The following YWHAG variants were observed in gnomAD, a reference collection of about 807,000 sequenced individuals.
YWHAG encodes the protein 14-3-3 protein gamma.
Under a neutral mutation model 23.3 loss-of-function variants are expected in YWHAG, and 1 was observed. The observed-to-expected ratio is 0.04, with a 90% confidence interval of 0.02 to 0.20. The LOEUF is 0.20. Ranked by LOEUF, YWHAG falls within the 10% of genes least tolerant of loss-of-function variation. The pLI is 1.00. For missense variants in YWHAG, 151 were observed against 338.6 expected (o/e 0.45, Z 4.35); for synonymous variants, 160 against 144.0 (o/e 1.11, Z -0.80).
Position 76,345,305 on chromosome 7 carries a change from T to C in YWHAG, c.87+13417A>G, listed in dbSNP as rs1399996415. The stretch of plus-strand genomic sequence containing the variant: ...GGTTCACACCATTCTCCTGTCTCAG[T>C]CCCCCGAGCAGCTGGGACTACAGGC... On this transcript the variant is annotated intron_variant, in intron 1 of 1. Coordinates refer to ENST00000307630, the MANE Select transcript of YWHAG (RefSeq NM_012479.4). Among the ~76,000 whole-genome samples, 51 of 150,224 alleles carry C rather than the reference T, an allele frequency of 3.4e-4. No homozygotes were observed. The South Asian group carries it at 7.0e-3, about 21-fold the overall frequency.
In YWHAG at chr7:76,327,668, G is replaced by GCCCCCCCCCCCCCCCCCCC. The variant is rs71085403; in HGVS notation, c.*1908_*1909insGGGGGGGGGGGGGGGGGGG. On this transcript the variant is annotated 3_prime_UTR_variant, in exon 2 of 2. Transcript: ENST00000307630. Reference sequence around the variant, plus strand: ...AATTAGGGAAAGCCCCACCTACCCTGCCCCCCCCCCCCTCCCCCCCCAAAT... The same window carrying GCCCCCCCCCCCCCCCCCCC: ...AATTAGGGAAAGCCCCACCTACCCTGCCCCCCCCCCCCCCCCCCCCCCCCCCCCCCCTCCCCCCCCAAAT... 65 of 47,114 alleles carry GCCCCCCCCCCCCCCCCCCC rather than the reference G, an allele frequency of 1.4e-3. No homozygotes were observed. The highest frequency in any genetic ancestry group is 1.5e-3 in the Non-Finnish European group (41 of 27,252). 2.9% of individuals were successfully genotyped at this position (47,114 alleles called of 1,614,324 possible).
At chr7:76,336,853 T>C (rs776889737) in intron 1 of YWHAG, among the ~76,000 whole-genome samples, 1 of 151,086 alleles carries the variant, frequency 6.6e-6, no homozygotes, top group East Asian at 2.0e-4. Flanking sequence ...TATTGTCACC[T>C]GAAAGGGCCA....
intron 1 of YWHAG, among the ~76,000 whole-genome samples, chr7:76,339,674 C>T (rs971069053): frequency 6.6e-6 from 1 of 152,138 alleles, no homozygotes; most frequent in Non-Finnish European, 1.5e-5. Flanking sequence ...AGACAGCAAG[C>T]CCAATCCTCT....
chr7:76,344,638 AAT>A lies in YWHAG; in HGVS notation c.87+14082_87+14083del, dbSNP rs1803748899. ...TGCTTCTACAATTTCTCCTGGAATC[AAT>A]GTCATGCTCACTTTAAATGGGGTTA... On this transcript the variant is annotated intron_variant, in intron 1 of 1. Coordinates refer to ENST00000307630, the MANE Select transcript of YWHAG (RefSeq NM_012479.4). Among the ~76,000 whole-genome samples the A allele has an allele frequency of 2.6e-5, 4 of 152,296 alleles. No individual in the cohort carries two copies. In the South Asian group the frequency reaches 8.3e-4, roughly 32 times the overall value.
chr7:76,340,212 C>T (rs773034256), intron 1 of YWHAG, among the ~76,000 whole-genome samples: 2 of 152,228 alleles, frequency 1.3e-5, no homozygotes, highest in African/African-American at 2.4e-5. Context: ...GGATCAGCCC[C>T]GTTTCACTAA....
intron 1 of YWHAG, 50 bp downstream of exon 1, chr7:76,358,672 C>G (rs1025066941): frequency 6.6e-7 from 1 of 1,518,338 alleles, no homozygotes; most frequent in Non-Finnish European, 8.9e-7. Flanking sequence ...CGCCAAGGAC[C>G]GCGTCTTCGG....
In YWHAG at chr7:76,358,797, G is replaced by C. The variant is rs936183236; in HGVS notation, c.12C>G (p.Arg4=). 2.1e-5 allele frequency: 33 copies of C among 1,595,196 alleles called. No homozygotes were observed. Among genetic ancestry groups the C allele is most frequent in the Non-Finnish European group, 2.6e-5 (31 of 1,172,186 alleles). The part of the protein sequence containing the change: MVD[R]EQLVQKARLA... Reference sequence around the variant, plus strand: ...GCCGGGCTTTCTGCACCAGTTGCTCGCGGTCCACCATCTTCGCGGGGCTGG... The same window carrying C: ...GCCGGGCTTTCTGCACCAGTTGCTCCCGGTCCACCATCTTCGCGGGGCTGG... The change falls in exon 1 of 2, where the codon CGC becomes CGG. Residue 4 remains arginine, a synonymous_variant. Transcript: ENST00000307630.
At chr7:76,338,822 AGGCACGTATCCACT>A (rs750269417) in intron 1 of YWHAG, among the ~76,000 whole-genome samples, 8 of 152,246 alleles carry the variant, frequency 5.3e-5, no homozygotes, top group Non-Finnish European at 1.0e-4. Context: ...TGTGGGTAAC[AGGCACGTATCCACT>A]GGTCATGTGC....
intron 1 of YWHAG, 54 bp from the exon 2 acceptor site, chr7:76,330,287 A>C (rs774513890): frequency 1.3e-6 from 2 of 1,551,956 alleles, no homozygotes; most frequent in Non-Finnish European, 1.7e-6. Context: ...CCACTGGGTT[A>C]ACTGTATCTT....
At chr7:76,356,391 T>C (rs1213985389) in intron 1 of YWHAG, among the ~76,000 whole-genome samples, 8 of 152,088 alleles carry the variant, frequency 5.3e-5, no homozygotes, top group African/African-American at 1.9e-4. Context: ...CAAACTGTTC[T>C]TTCCTCTATA....
At position 76,329,981 on chromosome 7, in the gene YWHAG, C is replaced by T; in HGVS notation, c.340G>A (p.Glu114Lys). The T allele has an allele frequency of 2.5e-6, 4 of 1,614,146 alleles. No homozygotes were observed. The highest frequency in any genetic ancestry group is 3.4e-6 in the Non-Finnish European group (4 of 1,180,032). Reference protein sequence around the residue: ...LDNYLIKNCSETQYESKVFYL... With the variant: ...LDNYLIKNCSKTQYESKVFYL... ...AACACTTTGCTCTCGTACTGGGTCT[C>T]GCTGCAATTCTTGATCAGGTAGTTA... Residue 114 changes from glutamate to lysine, a missense_variant, in exon 2 of 2, where the codon GAG becomes AAG. By Grantham distance (56) the Glu-to-Lys change is moderately conservative. Coordinates refer to ENST00000307630, the MANE Select transcript of YWHAG (RefSeq NM_012479.4). This position sits in a 1 kb window ranked among gnomAD's most constrained non-coding sequence, Gnocchi z 6.1.
chr7:76,348,678 A>G (rs1463943617), intron 1 of YWHAG, among the ~76,000 whole-genome samples: 1 of 151,960 alleles, frequency 6.6e-6, no homozygotes, highest in African/African-American at 2.4e-5. Flanking sequence ...TGCTGGGATT[A>G]CAGGTGTGAG....
At chr7:76,342,444 G>C (rs370602296) in intron 1 of YWHAG, among the ~76,000 whole-genome samples, 5 of 152,168 alleles carry the variant, frequency 3.3e-5, no homozygotes, top group Non-Finnish European at 7.3e-5. Flanking sequence ...GTGAGAACTT[G>C]GTTGAATTCC....
rs1027851021 is a variant in YWHAG, at chr7:76,327,687, C to G, written c.*1890G>C. ...TACCCTGCCCCCCCCCCCCTCCCCC[C>G]CCAAATCGTCTTCCTCCCATGGCAA... On this transcript the variant is annotated 3_prime_UTR_variant, in exon 2 of 2. Transcript: ENST00000307630. 8.3e-6 allele frequency: 1 copy of G among 120,292 alleles called. No homozygotes were observed. The highest frequency in any genetic ancestry group is 3.3e-5 in the African/African-American group (1 of 30,338). 7.5% of individuals were successfully genotyped at this position (120,292 alleles called of 1,614,324 possible).
At chr7:76,334,072 C>T (rs555802309) in intron 1 of YWHAG, among the ~76,000 whole-genome samples, 12 of 152,326 alleles carry the variant, frequency 7.9e-5, no homozygotes, top group East Asian at 3.9e-4. Flanking sequence ...ATTTGGAACA[C>T]GCCCAGATGT....
At chr7:76,333,111 G>A (rs907807087) in intron 1 of YWHAG, among the ~76,000 whole-genome samples, 4 of 151,990 alleles carry the variant, frequency 2.6e-5, no homozygotes, top group Non-Finnish European at 5.9e-5. Context: ...CTGGGACTAA[G>A]GCACATGCCA....
intron 1 of YWHAG, among the ~76,000 whole-genome samples, chr7:76,351,840 A>G (rs1375490587): frequency 6.6e-6 from 1 of 152,224 alleles, no homozygotes; most frequent in Non-Finnish European, 1.5e-5. Context: ...AATAAAGTGC[A>G]CAATAAATGC....
chr7:76,330,340 G>T, intron 1 of YWHAG, 107 bp from the exon 2 acceptor site: 2 of 1,215,402 alleles, frequency 1.6e-6, no homozygotes, highest in South Asian at 1.5e-5. Context: ...ATGATGAACA[G>T]AAGGAAATTA....
At chr7:76,355,495 A>G (rs1803940311) in intron 1 of YWHAG, among the ~76,000 whole-genome samples, 1 of 152,190 alleles carries the variant, frequency 6.6e-6, no homozygotes, top group African/African-American at 2.4e-5. Flanking sequence ...TATGATCTGT[A>G]TTCTTTCCAC....
Sources: gnomAD v4.1 joint callset for allele counts (sites outside exome capture counted in the v4.1 genomes callset) on GRCh38, gnomAD v4.1.1 for gene constraint, Gnocchi (gnomAD v3.1) non-coding constraint, MANE v1.5 for transcripts, NCBI Gene and HGNC (gene_info 2026-07-23, HGNC 2026-07-21) for gene names.